The following PEX14 variants were observed in gnomAD, a reference collection of about 807,000 sequenced individuals.
PEX14 encodes peroxisomal membrane protein PEX14.
Under a neutral mutation model 49.5 loss-of-function variants are expected in PEX14, and 15 were observed. The ratio of observed to expected loss-of-function variants is 0.30; its 90% confidence interval spans 0.20 to 0.47. PEX14 has a LOEUF of 0.47. Ranked by LOEUF, PEX14 falls within the 20% of genes least tolerant of loss-of-function variation. The pLI is 1.00. For synonymous variants in PEX14, 210 were observed against 212.7 expected, an observed-to-expected ratio of 0.99 and a Z score of 0.11; for missense variants, 398 against 494.8, an observed-to-expected ratio of 0.80 and a Z score of 1.86.
intron 7 of PEX14, 35 bp downstream of exon 7, chr1:10,624,472 C>A (rs1305151612): frequency 7.2e-7 from 1 of 1,396,152 alleles, no homozygotes; most frequent in South Asian, 1.2e-5. Flanking sequence ...CCTCCAGGCC[C>A]AGGTCTGTCC....
intron 3 of PEX14, among the ~76,000 whole-genome samples, chr1:10,558,278 G>A (rs1405048242): frequency 2.0e-5 from 3 of 152,038 alleles, no homozygotes; most frequent in South Asian, 2.1e-4. Flanking sequence ...AAAGTGCTGC[G>A]ATTACACGTG....
chr1:10,585,831 G>T (rs879704412), intron 3 of PEX14, among the ~76,000 whole-genome samples: 2 of 152,252 alleles, frequency 1.3e-5, no homozygotes, highest in Non-Finnish European at 2.9e-5. Context: ...GGGAGACAAA[G>T]ATTGCGGTGA....
At chr1:10,627,897 G>T (rs1377447920) in intron 8 of PEX14, among the ~76,000 whole-genome samples, 3 of 152,206 alleles carry the variant, frequency 2.0e-5, no homozygotes, top group Non-Finnish European at 2.9e-5. Flanking sequence ...TGACCAACTT[G>T]TCCTGCTTTG....
At position 10,585,655 on chromosome 1, in the gene PEX14, C is replaced by T. The variant is rs537061410; in HGVS notation, c.170-13583C>T. ...AATCAGAAGGCCAGGCGTGGTGGCT[C>T]ACACCTATAATCCCAGCACTTCGGG... On this transcript the variant is annotated intron_variant, in intron 3 of 8. Coordinates refer to ENST00000356607, the MANE Select transcript of PEX14 (RefSeq NM_004565.3). Among the ~76,000 whole-genome samples, 108 of 152,366 alleles carry T rather than the reference C, an allele frequency of 7.1e-4. 1 individual carries two copies. The highest frequency in any genetic ancestry group is 1.3e-3 in the Admixed American group (20 of 15,304).
Position 10,630,264 on chromosome 1 carries a change from CG to C in PEX14, c.*281del, listed in dbSNP as rs1570378737. On this transcript the variant is annotated 3_prime_UTR_variant, in exon 9 of 9. Coordinates refer to ENST00000356607, the MANE Select transcript of PEX14 (RefSeq NM_004565.3). This position sits in a 1 kb window ranked among gnomAD's most constrained non-coding sequence, Gnocchi z 4.1. ...AGTCAGGCTGAAGGCAGCGAAGCCTCGGGGCCCAAGCCCCTCCCCAGCCCCC... is the reference window on the plus strand; with the variant it reads ...AGTCAGGCTGAAGGCAGCGAAGCCTCGGGCCCAAGCCCCTCCCCAGCCCCC... 1 of 563,484 alleles carries C rather than the reference CG, an allele frequency of 1.8e-6. No homozygotes were observed. Among genetic ancestry groups the C allele is most frequent in the East Asian group, 2.9e-5 (1 of 33,958 alleles). The allele number at this position is 563,484 out of a possible 1,614,324, so 34.9% of individuals were successfully genotyped here.
chr1:10,492,212 A>G (rs1042604759), intron 1 of PEX14, among the ~76,000 whole-genome samples: 1 of 152,200 alleles, frequency 6.6e-6, no homozygotes, highest in African/African-American at 2.4e-5. Flanking sequence ...TCCCTCTGGT[A>G]AATACTAGCT....
At chr1:10,619,176 G>A (rs1641521241) in intron 5 of PEX14, among the ~76,000 whole-genome samples, 1 of 152,112 alleles carries the variant, frequency 6.6e-6, no homozygotes, top group South Asian at 2.1e-4. Flanking sequence ...CCCTTGTGAA[G>A]GCCCAACTTG....
At chr1:10,618,231 T>A (rs1253448569) in intron 4 of PEX14, 101 bp from the exon 5 acceptor site, 1 of 830,472 alleles carries the variant, frequency 1.2e-6, no homozygotes, top group Non-Finnish European at 2.1e-6. Context: ...TGCCCATTGT[T>A]GGAGGCGAGG....
chr1:10,511,069 G>A (rs1021198652), intron 2 of PEX14, among the ~76,000 whole-genome samples: 2 of 144,056 alleles, frequency 1.4e-5, no homozygotes, highest in South Asian at 2.2e-4. Flanking sequence ...GATAGGCATC[G>A]TTAAATGTGC....
At chr1:10,605,308 G>A (rs1382562932) in intron 4 of PEX14, among the ~76,000 whole-genome samples, 2 of 152,184 alleles carry the variant, frequency 1.3e-5, no homozygotes, top group Non-Finnish European at 2.9e-5. Context: ...GAAGAAGTAG[G>A]GGATGGGACC....
chr1:10,576,260 G>A (rs1282732363), intron 3 of PEX14, among the ~76,000 whole-genome samples: 1 of 151,630 alleles, frequency 6.6e-6, no homozygotes, highest in Non-Finnish European at 1.5e-5. Flanking sequence ...TATTTTTATG[G>A]TAAGAGATTC....
At chr1:10,625,678 G>A (rs779246949) in intron 7 of PEX14, among the ~76,000 whole-genome samples, 2 of 152,210 alleles carry the variant, frequency 1.3e-5, no homozygotes, top group Non-Finnish European at 2.9e-5. Flanking sequence ...GAAGCCCAGC[G>A]ACAGCCCTGC....
rs1641900839 is a variant in PEX14, at chr1:10,512,460, G to A, written c.84+17139G>A. 6.6e-6 allele frequency among the ~76,000 whole-genome samples: 1 copy of A among 152,194 alleles called. No individual in the cohort carries two copies. Among genetic ancestry groups the A allele is most frequent in the South Asian group, 2.1e-4 (1 of 4,830 alleles). ...AGACAGATTGTGGAATTTTAATGAA[G>A]GTGGGGTGGATCCCTGATGTTCGCC... is the stretch of plus-strand genomic sequence containing the variant. On this transcript the variant is annotated intron_variant, in intron 2 of 8. Coordinates refer to ENST00000356607, the MANE Select transcript of PEX14 (RefSeq NM_004565.3). The surrounding 1 kb of genome is among the most constrained non-coding windows in gnomAD (Gnocchi z 4.6).
In PEX14 at chr1:10,557,926, G is replaced by T. The variant is rs1639541760; in HGVS notation, c.169+21629G>T. Among the ~76,000 whole-genome samples the T allele has an allele frequency of 2.7e-5, 4 of 148,510 alleles. No homozygotes were observed. The South Asian group carries it at 8.5e-4, about 32-fold the overall frequency. ...AGGGAATATAACTTTATTTTTTCCTGTTGACCAACTGGATAGTCTCAGCAC... is the reference window on the plus strand; with the variant it reads ...AGGGAATATAACTTTATTTTTTCCTTTTGACCAACTGGATAGTCTCAGCAC... On this transcript the variant is annotated intron_variant, in intron 3 of 8. Transcript: ENST00000356607.
At chr1:10,533,572 GT>G (rs1376836450) in intron 2 of PEX14, among the ~76,000 whole-genome samples, 5 of 151,872 alleles carry the variant, frequency 3.3e-5, no homozygotes, top group African/African-American at 9.7e-5. Flanking sequence ...TATCCCCCAC[GT>G]TCTTCTTAAA....
At chr1:10,624,476 T>G (rs1173219999) in intron 7 of PEX14, 39 bp downstream of exon 7, 1 of 1,350,668 alleles carries the variant, frequency 7.4e-7, no homozygotes, top group East Asian at 2.3e-5. Context: ...CAGGCCCAGG[T>G]CTGTCCCATG....
intron 3 of PEX14, among the ~76,000 whole-genome samples, chr1:10,575,940 T>C (rs1339611080): frequency 6.6e-6 from 1 of 152,142 alleles, no homozygotes; most frequent in East Asian, 1.9e-4. Context: ...CACTAAAAAA[T>C]GACCAAGTAG....
intron 2 of PEX14, among the ~76,000 whole-genome samples, chr1:10,517,478 T>C (rs1641990865): frequency 6.6e-6 from 1 of 152,040 alleles, no homozygotes. Context: ...GGCCTGTAAT[T>C]ATAGGTGCTA....
intron 1 of PEX14, among the ~76,000 whole-genome samples, chr1:10,475,711 C>G (rs978614080): frequency 6.6e-6 from 1 of 152,168 alleles, no homozygotes; most frequent in East Asian, 1.9e-4. Flanking sequence ...ACGCCTGTGC[C>G]TCTGCGGCCG....
Sources: gnomAD v4.1 joint callset for allele counts (sites outside exome capture counted in the v4.1 genomes callset) on GRCh38, gnomAD v4.1.1 for gene constraint, Gnocchi (gnomAD v3.1) non-coding constraint, MANE v1.5 for transcripts, NCBI Gene and HGNC (gene_info 2026-07-23, HGNC 2026-07-21) for gene names.